Variants in TMEM260 observed in about 807,000 individuals in gnomAD.
TMEM260 encodes transmembrane protein 260.
TMEM260 carries 82 observed loss-of-function variants against 88.9 expected under a neutral mutation model. The observed-to-expected ratio is 0.92, with a 90% confidence interval of 0.77 to 1.11. The LOEUF (loss-of-function observed/expected upper bound fraction) is 1.11. TMEM260 is among the 50% of genes least tolerant of loss of function. The probability of loss-of-function intolerance (pLI) is 0.00; values close to 1 mark genes in which losing one functional copy is unlikely to be tolerated. For missense variants in TMEM260, 902 were observed against 853.4 expected (o/e 1.06, Z -0.71); for synonymous variants, 314 against 309.3 (o/e 1.02, Z -0.16).
At chr14:56,585,947 C>T (rs371150228) in intron 3 of TMEM260, 35 bp downstream of exon 3, 8 of 1,600,978 alleles carry the variant, frequency 5.0e-6, no homozygotes, top group East Asian at 4.5e-5. Context: ...TAATTTTGAG[C>T]AGTTGGAGAT....
chr14:56,617,190 CAGAA>C lies in TMEM260; in HGVS notation c.950_953del (p.Gln317LeufsTer4). The C allele has an allele frequency of 1.3e-6, 2 of 1,582,788 alleles. No homozygotes were observed. Among genetic ancestry groups the C allele is most frequent in the Non-Finnish European group, 1.7e-6 (2 of 1,164,474 alleles). ...TTTTATTATTTTTTGTAGGGACAGA[CAGAA>C]TCCATCATTAGTATGGCTTTTTACT... On this transcript the variant is annotated frameshift_variant, in exon 9 of 16. Coordinates refer to ENST00000261556, the MANE Select transcript of TMEM260 (RefSeq NM_017799.4). LOFTEE classifies it high-confidence loss of function.
Position 56,617,246 on chromosome 14 carries a change from C to T in TMEM260, c.1005C>T (p.Phe335=), listed in dbSNP as rs551253462. The part of the protein sequence containing the change: ...FTGMFCIYSL[F]FAWRANLDIS... ...GAATGTTTTGCATTTATTCATTGTT[C>T]TTTGCTTGGAGAGCAAATTTAGATA... The change falls in exon 9 of 16, where the codon TTC becomes TTT. Residue 335 remains phenylalanine (F), a synonymous_variant. Transcript: ENST00000261556. 221 of 1,603,820 alleles carry T rather than the reference C, an allele frequency of 1.4e-4. 2 individuals carry two copies. In the South Asian group the frequency reaches 2.1e-3, roughly 16 times the overall value.
downstream of TMEM260, among the ~76,000 whole-genome samples, chr14:56,655,117 C>G (rs952491278): frequency 1.3e-5 from 2 of 151,950 alleles, no homozygotes; most frequent in Non-Finnish European, 1.5e-5. Flanking sequence ...CCCTGCCGGG[C>G]GTGGTGGCTC....
chr14:56,615,805 T>C (rs888147917), intron 7 of TMEM260, 139 bp from the exon 8 acceptor site: 9 of 617,420 alleles, frequency 1.5e-5, no homozygotes, highest in Non-Finnish European at 2.3e-5. Context: ...CTTCCAACTT[T>C]AAAAGACAAA....
chr14:56,647,160 T>G, intron 15 of TMEM260, 83 bp from the exon 16 acceptor site: 1 of 1,452,858 alleles, frequency 6.9e-7, no homozygotes, highest in South Asian at 1.4e-5. Context: ...TTCTTGTTAT[T>G]AATTCCTCTG....
chr14:56,612,252 C>T lies in TMEM260; in HGVS notation c.824C>T (p.Ser275Phe). The T allele has an allele frequency of 6.2e-7, 1 of 1,613,526 alleles. No individual in the cohort carries two copies. The highest frequency in any genetic ancestry group is 1.7e-5 in the Admixed American group (1 of 60,016). ...EEYGTFSLAK[S>F]EIGSSMSEIL... ...TTTGTCTTTTGTGTTTAGGCCAAAT[C>T]TGAAATAGGATCCAGTATGTCTGAA... Residue 275 changes from serine (S) to phenylalanine (F), a missense_variant, in exon 7 of 16, where the codon TCT becomes TTT. Physicochemically the swap from Ser to Phe is radical, Grantham distance 155. Coordinates refer to ENST00000261556, the MANE Select transcript of TMEM260 (RefSeq NM_017799.4).
At chr14:56,628,125 G>T (rs1888351862) in intron 12 of TMEM260, among the ~76,000 whole-genome samples, 1 of 152,184 alleles carries the variant, frequency 6.6e-6, no homozygotes, top group African/African-American at 2.4e-5. Context: ...TTGTATGGAT[G>T]TACTGTAGTT....
intron 2 of TMEM260, 78 bp downstream of exon 2, chr14:56,585,110 G>A (rs1018975484): frequency 5.3e-6 from 7 of 1,319,246 alleles, no homozygotes; most frequent in African/African-American, 1.5e-5. Context: ...TAAGCATGGA[G>A]TAAAGTAGAT....
At chr14:56,654,473 C>T (rs961469021), downstream of TMEM260, among the ~76,000 whole-genome samples, 5 of 152,128 alleles carry the variant, frequency 3.3e-5, no homozygotes, top group African/African-American at 7.2e-5. Context: ...ACGGACCCCA[C>T]CTACCACTGG....
chr14:56,582,549 A>G (rs1012922993), intron 1 of TMEM260, among the ~76,000 whole-genome samples: 11 of 152,188 alleles, frequency 7.2e-5, no homozygotes, highest in African/African-American at 2.7e-4. Context: ...TTTGTATTGC[A>G]GACAACAAAG....
chr14:56,662,649 C>A, the TMEM260 span, among the ~76,000 whole-genome samples: 1 of 152,230 alleles, frequency 6.6e-6, no homozygotes, highest in East Asian at 1.9e-4. Context: ...GGGAAACTAT[C>A]TCCGACTAGG....
intron 1 of TMEM260, 73 bp from the exon 2 acceptor site, chr14:56,584,928 T>G: frequency 1.6e-6 from 2 of 1,279,128 alleles, no homozygotes; most frequent in Non-Finnish European, 2.3e-6. Flanking sequence ...AATGCAAGCA[T>G]TTGGATTTTG....
At chr14:56,583,628 G>A (rs1444952736) in intron 1 of TMEM260, among the ~76,000 whole-genome samples, 1 of 152,082 alleles carries the variant, frequency 6.6e-6, no homozygotes, top group African/African-American at 2.4e-5. Flanking sequence ...ACTCAAGCAG[G>A]TTCTATGGAG....
At chr14:56,596,971 T>C (rs1338255126) in intron 3 of TMEM260, among the ~76,000 whole-genome samples, 2 of 151,958 alleles carry the variant, frequency 1.3e-5, no homozygotes, top group Non-Finnish European at 2.9e-5. Flanking sequence ...TTCCTCTGGG[T>C]CTTTTTTTAA....
the TMEM260 span, among the ~76,000 whole-genome samples, chr14:56,662,413 G>T: frequency 6.6e-6 from 1 of 152,084 alleles, no homozygotes; most frequent in South Asian, 2.1e-4. Flanking sequence ...ACAGAACTGC[G>T]GCCTTTCGCA....
chr14:56,613,109 TTTA>T, intron 7 of TMEM260: 1 of 152,290 alleles, frequency 6.6e-6, no homozygotes, highest in East Asian at 1.9e-4. Context: ...TAATATTTGC[TTTA>T]AAACCTACAG....
chr14:56,609,131 A>G lies in TMEM260; in HGVS notation c.662A>G (p.Lys221Arg). The stretch of plus-strand genomic sequence containing the variant: ...GAACTCTCCCTGGGCTCTTTGTTGA[A>G]GTTGAGCCTGTACTTCTCTGCTGGT... ...KKELSLGSLL[K>R]LSLYFSAGLL... is the part of the protein sequence containing the mutation. The change falls in exon 6 of 16, where the codon AAG becomes AGG. Residue 221 changes from lysine to arginine, a missense_variant. Transcript: ENST00000261556. The G allele has an allele frequency of 1.2e-6, 2 of 1,614,140 alleles. No individual in the cohort carries two copies. Among genetic ancestry groups the G allele is most frequent in the Non-Finnish European group, 1.7e-6 (2 of 1,180,012 alleles).
chr14:56,648,702 C>T lies in TMEM260; in HGVS notation c.*1205C>T, dbSNP rs1256450726. 2 of 152,658 alleles carry T rather than the reference C, an allele frequency of 1.3e-5. No individual in the cohort carries two copies. Among genetic ancestry groups the T allele is most frequent in the Non-Finnish European group, 2.9e-5 (2 of 68,064 alleles). 9.5% of individuals were successfully genotyped at this position (152,658 alleles called of 1,614,324 possible). A position where few individuals can be genotyped will look rare whatever the true frequency, so the allele number is the denominator to read the frequency against. Reference sequence around the variant, plus strand: ...CTGTGGAGCTTGCATGGTTCCCTTTCATACTACGACCATAATTAAAACCAC... The same window carrying T: ...CTGTGGAGCTTGCATGGTTCCCTTTTATACTACGACCATAATTAAAACCAC... On this transcript the variant is annotated 3_prime_UTR_variant, in exon 16 of 16. Coordinates refer to ENST00000261556, the MANE Select transcript of TMEM260 (RefSeq NM_017799.4).
chr14:56,656,196 C>T, the TMEM260 span, among the ~76,000 whole-genome samples: 1 of 152,152 alleles, frequency 6.6e-6, no homozygotes. Flanking sequence ...ATGGAAGGAT[C>T]GCTTGAGGCC....
Sources: gnomAD v4.1 joint callset for allele counts (sites outside exome capture counted in the v4.1 genomes callset) on GRCh38, gnomAD v4.1.1 for gene constraint, MANE v1.5 for transcripts, NCBI Gene and HGNC (gene_info 2026-07-23, HGNC 2026-07-21) for gene names.